MAGI1: variants seen among roughly 807,000 people sequenced by gnomAD.
MAGI1 encodes membrane-associated guanylate kinase, WW and PDZ domain-containing protein 1.
A neutral mutation model predicts 139.9 loss-of-function variants in MAGI1; 58 were observed. The observed-to-expected ratio is 0.41, with a 90% CI of 0.34 to 0.52. The LOEUF (loss-of-function observed/expected upper bound fraction) is 0.52, where lower values mean the gene tolerates loss of function less well. Among genes scored for constraint, MAGI1 ranks in the 20% least tolerant of loss-of-function variants. The pLI is 0.12. For missense variants in MAGI1, 1,874 were observed against 1,901.6 expected, an observed-to-expected ratio of 0.99 and a Z score of 0.27; for synonymous variants, 812 against 737.9, an observed-to-expected ratio of 1.10 and a Z score of -1.63.
At chr3:65,982,629 T>TA (rs2065647278) in intron 1 of MAGI1, among the ~76,000 whole-genome samples, 1 of 152,208 alleles carries the variant, frequency 6.6e-6, no homozygotes. Flanking sequence ...TATGGTCTCA[T>TA]AAAAAATATT....
chr3:65,472,016 A>C lies in MAGI1; in HGVS notation c.758-1532T>G, dbSNP rs916537438. Among the ~76,000 whole-genome samples the C allele has an allele frequency of 1.3e-4, 20 of 152,210 alleles. No individual in the cohort carries two copies. In the South Asian group the frequency reaches 3.9e-3, roughly 30 times the overall value. ...CTCTGATCTCTGATTTCATACTTGA[A>C]ATCAAGGATGTCCCTCATTTTGTTT... On this transcript the variant is annotated intron_variant, in intron 4 of 22. Coordinates refer to ENST00000402939, the MANE Select transcript of MAGI1 (RefSeq NM_001033057.2).
chr3:65,431,016 G>A (rs1326582244), intron 10 of MAGI1, 135 bp from the exon 11 acceptor site: 1 of 799,434 alleles, frequency 1.3e-6, no homozygotes, highest in Non-Finnish European at 2.0e-6. Context: ...TCTTAAGAAA[G>A]TCCTCTCTTA....
chr3:65,991,188 C>T (rs1326544119), intron 1 of MAGI1, among the ~76,000 whole-genome samples: 1 of 147,918 alleles, frequency 6.8e-6, no homozygotes, highest in Non-Finnish European at 1.5e-5. Context: ...ACTCAGGAAG[C>T]TGAGGCAGGA....
chr3:66,013,803 C>G (rs914899061), intron 1 of MAGI1, among the ~76,000 whole-genome samples: 1 of 151,698 alleles, frequency 6.6e-6, no homozygotes, highest in Non-Finnish European at 1.5e-5. Flanking sequence ...AACATCCCCA[C>G]TAGGTATTTG....
In MAGI1 at chr3:65,356,839, C is replaced by T. The variant is rs1940228340; in HGVS notation, c.3928G>A (p.Glu1310Lys). Reference sequence around the variant, plus strand: ...GGGCCGTTGGCGGCTGCCGCGCGCTCGGCCTGCGCGTCCCTCCGTCCCTCC... The same window carrying T: ...GGGCCGTTGGCGGCTGCCGCGCGCTTGGCCTGCGCGTCCCTCCGTCCCTCC... ...APEGRRDAQA[E>K]RAAAANGPKR... is the part of the protein sequence containing the mutation. Residue 1310 changes from glutamate to lysine, a missense_variant, in exon 23 of 23, where the codon GAG becomes AAG. By Grantham distance (56) the Glu-to-Lys change is moderately conservative (BLOSUM62 1). This residue lies in a region of MAGI1 where 653 missense variants were observed against 644.5 expected (regional missense o/e 1.01). Transcript: ENST00000402939. The T allele has an allele frequency of 4.3e-6, 7 of 1,612,880 alleles. No individual in the cohort carries two copies. The highest frequency in any genetic ancestry group is 5.9e-6 in the Non-Finnish European group (7 of 1,179,238).
At chr3:65,978,772 C>G (rs998871689) in intron 1 of MAGI1, among the ~76,000 whole-genome samples, 1 of 152,026 alleles carries the variant, frequency 6.6e-6, no homozygotes, top group Non-Finnish European at 1.5e-5. Context: ...GGATTACAGG[C>G]ATGCGCCACC....
In MAGI1 at chr3:65,464,376, C is replaced by T. The variant is rs538585583; in HGVS notation, c.959+5907G>A. Among the ~76,000 whole-genome samples the T allele has an allele frequency of 2.6e-5, 4 of 152,158 alleles. No homozygotes were observed. In the East Asian group the frequency reaches 7.7e-4, roughly 29 times the overall value. On this transcript the variant is annotated intron_variant, in intron 5 of 22. Coordinates refer to ENST00000402939, the MANE Select transcript of MAGI1 (RefSeq NM_001033057.2). ...TCTTTTCTCATATATATGTTTAGTG[C>T]TGTAAATTTACCTCTCATCACTGCC...
intron 1 of MAGI1, among the ~76,000 whole-genome samples, chr3:65,685,006 T>C (rs1488317732): frequency 6.7e-6 from 1 of 149,300 alleles, no homozygotes; most frequent in Non-Finnish European, 1.5e-5. Context: ...GCATGAGCCA[T>C]CATGTTTGGC....
At chr3:65,707,718 A>G (rs2030606749) in intron 1 of MAGI1, among the ~76,000 whole-genome samples, 1 of 151,794 alleles carries the variant, frequency 6.6e-6, no homozygotes, top group Admixed American at 6.6e-5. Flanking sequence ...AAAGTTGGCA[A>G]AAGAATCCCT....
intron 1 of MAGI1, among the ~76,000 whole-genome samples, chr3:65,692,417 C>G (rs1185403525): frequency 6.6e-6 from 1 of 152,132 alleles, no homozygotes; most frequent in African/African-American, 2.4e-5. Context: ...CTGTGCCTCC[C>G]TGCCAACCAA....
intron 2 of MAGI1, among the ~76,000 whole-genome samples, chr3:65,516,852 C>T (rs2077917670): frequency 6.8e-6 from 1 of 148,126 alleles, no homozygotes; most frequent in Admixed American, 6.7e-5. Context: ...CTCAGCCTCC[C>T]GAGTAGCTGG....
intron 1 of MAGI1, among the ~76,000 whole-genome samples, chr3:65,683,846 G>T (rs1559783884): frequency 1.3e-5 from 2 of 151,798 alleles, no homozygotes; most frequent in Non-Finnish European, 1.5e-5. Flanking sequence ...CATACTGCTG[G>T]TGAGATGTAA....
At chr3:65,359,482 T>C in intron 22 of MAGI1, 1 of 1,075,142 alleles carries the variant, frequency 9.3e-7, no homozygotes, top group Non-Finnish European at 1.1e-6. Flanking sequence ...TAGGAGAGCA[T>C]TAACAATAAA....
At chr3:65,873,868 A>G (rs1489565363) in intron 1 of MAGI1, 2 of 152,234 alleles carry the variant, frequency 1.3e-5, no homozygotes, top group Non-Finnish European at 1.5e-5. Flanking sequence ...AAACTCTTAG[A>G]AGATATAAAA....
At chr3:65,715,226 G>T (rs1295073026) in intron 1 of MAGI1, among the ~76,000 whole-genome samples, 1 of 152,090 alleles carries the variant, frequency 6.6e-6, no homozygotes, top group East Asian at 1.9e-4. Flanking sequence ...ATGCTAAATT[G>T]GTGTAACAAT....
At chr3:65,532,328 C>G (rs1378758628) in intron 2 of MAGI1, among the ~76,000 whole-genome samples, 1 of 152,166 alleles carries the variant, frequency 6.6e-6, no homozygotes, top group Non-Finnish European at 1.5e-5. Flanking sequence ...TTTGAGCATG[C>G]CAAAGCTTTT....
At chr3:65,997,928 G>T (rs2066540549) in intron 1 of MAGI1, among the ~76,000 whole-genome samples, 1 of 151,960 alleles carries the variant, frequency 6.6e-6, no homozygotes, top group South Asian at 2.1e-4. Flanking sequence ...AGAGGCCAAG[G>T]TGGGTGTATC....
At chr3:66,025,050 T>C (rs1275300933) in intron 1 of MAGI1, among the ~76,000 whole-genome samples, 1 of 152,204 alleles carries the variant, frequency 6.6e-6, no homozygotes, top group Non-Finnish European at 1.5e-5. Context: ...TCTAGATAGC[T>C]ATCCAAAGAA....
intron 2 of MAGI1, among the ~76,000 whole-genome samples, chr3:65,577,649 T>C (rs963195834): frequency 1.3e-5 from 2 of 152,090 alleles, no homozygotes; most frequent in African/African-American, 4.8e-5. Context: ...ACACCACCAG[T>C]TTGCCTTTAG....
Sources: gnomAD v4.1 joint callset for allele counts (sites outside exome capture counted in the v4.1 genomes callset) on GRCh38, gnomAD v4.1.1 for gene constraint, gnomAD v4.1.1 regional missense constraint, MANE v1.5 for transcripts, NCBI Gene and HGNC (gene_info 2026-07-23, HGNC 2026-07-21) for gene names.